HLCS: variants seen among roughly 807,000 people sequenced by gnomAD.
HLCS encodes holocarboxylase synthetase, also known as biotin--protein ligase.
HLCS carries 53 observed loss-of-function variants against 75.0 expected under a neutral mutation model. The observed-to-expected ratio is 0.71, with a 90% CI of 0.57 to 0.89. The LOEUF is 0.89. Among genes scored for constraint, HLCS ranks in the 40% least tolerant of loss-of-function variants. The pLI is 0.00. For synonymous variants in HLCS, 431 were observed against 428.6 expected, an observed-to-expected ratio of 1.01 and a Z score of -0.07; for missense variants, 966 against 1,074.0, an observed-to-expected ratio of 0.90 and a Z score of 1.41.
intron 1 of HLCS, among the ~76,000 whole-genome samples, chr21:36,988,642 C>G (rs2069273248): frequency 6.6e-6 from 1 of 152,190 alleles, no homozygotes; most frequent in South Asian, 2.1e-4. Context: ...ATGTTCCTCT[C>G]TAGGAGTTGG....
intron 6 of HLCS, among the ~76,000 whole-genome samples, chr21:36,781,047 C>G (rs976464714): frequency 4.0e-5 from 6 of 151,124 alleles, no homozygotes; most frequent in African/African-American, 4.9e-5. Flanking sequence ...CTCACGTTAC[C>G]ACCTGAGCTC....
intron 5 of HLCS, among the ~76,000 whole-genome samples, chr21:36,921,465 TCAC>T (rs1212365737): frequency 3.3e-5 from 5 of 152,120 alleles, no homozygotes; most frequent in Non-Finnish European, 4.4e-5. Flanking sequence ...AAAAGAATAT[TCAC>T]TTTCAACTTT....
chr21:36,863,334 C>T (rs767289683), intron 6 of HLCS, among the ~76,000 whole-genome samples: 20 of 151,900 alleles, frequency 1.3e-4, no homozygotes, highest in Non-Finnish European at 4.4e-5. Flanking sequence ...AACTGACCAT[C>T]GCCGATCCAC....
intron 6 of HLCS, among the ~76,000 whole-genome samples, chr21:36,825,169 G>A (rs781641053): frequency 6.6e-6 from 1 of 152,148 alleles, no homozygotes; most frequent in Non-Finnish European, 1.5e-5. Context: ...ACTGCTTGAG[G>A]CCAGGAATTT....
At position 36,826,520 on chromosome 21, in the gene HLCS, T is replaced by A. The variant is rs377550390; in HGVS notation, c.1893-59235A>T. On this transcript the variant is annotated intron_variant, in intron 6 of 10. Coordinates refer to ENST00000674895, the MANE Select transcript of HLCS (RefSeq NM_001352514.2). ...TTTTCTTGCCTTCATGCTTCCTTTT[T>A]TCCAAAAGGGTAAAAAGTAGCTGCA... 2.0e-5 allele frequency among the ~76,000 whole-genome samples: 3 copies of A among 152,210 alleles called. No individual in the cohort carries two copies. In the East Asian group the frequency reaches 5.8e-4, roughly 29 times the overall value.
intron 6 of HLCS, among the ~76,000 whole-genome samples, chr21:36,860,374 C>T (rs967662166): frequency 5.9e-5 from 9 of 151,820 alleles, no homozygotes; most frequent in Admixed American, 3.3e-4. Context: ...CAGGAAGCCA[C>T]ACCCGCCAGG....
At chr21:36,766,240 T>A (rs1018370540) in intron 7 of HLCS, among the ~76,000 whole-genome samples, 22 of 152,130 alleles carry the variant, frequency 1.4e-4, no homozygotes, top group Non-Finnish European at 2.6e-4. Flanking sequence ...TCCCAGCTGG[T>A]CTTGAACTCC....
intron 1 of HLCS, among the ~76,000 whole-genome samples, chr21:36,972,767 G>A (rs1180235189): frequency 1.3e-5 from 2 of 152,134 alleles, no homozygotes; most frequent in East Asian, 1.9e-4. Context: ...TTTGAAATGG[G>A]TACTTCTATA....
At chr21:36,852,449 G>T (rs1301237284) in intron 6 of HLCS, among the ~76,000 whole-genome samples, 1 of 152,196 alleles carries the variant, frequency 6.6e-6, no homozygotes, top group Non-Finnish European at 1.5e-5. Flanking sequence ...TCCATGCACA[G>T]GGCAGCTGGA....
intron 6 of HLCS, among the ~76,000 whole-genome samples, chr21:36,808,852 T>C (rs971894124): frequency 4.6e-5 from 7 of 152,236 alleles, no homozygotes; most frequent in Non-Finnish European, 1.0e-4. Flanking sequence ...TGATAAATTC[T>C]TTTTTCTTTT....
chr21:36,864,433 A>C (rs896970455), intron 6 of HLCS, among the ~76,000 whole-genome samples: 2 of 151,946 alleles, frequency 1.3e-5, no homozygotes, highest in Non-Finnish European at 2.9e-5. Flanking sequence ...CATTTCCTTT[A>C]GTCAAAAATT....
intron 5 of HLCS, 150 bp from the exon 6 acceptor site, chr21:36,897,281 G>A (rs940095054): frequency 6.8e-6 from 5 of 733,702 alleles, no homozygotes; most frequent in African/African-American, 3.5e-5. Flanking sequence ...ACATCTAAAC[G>A]ATTAGACAAT....
At position 36,937,219 on chromosome 21, in the gene HLCS, T is replaced by A. The variant is rs2066934013; in HGVS notation, c.667A>T (p.Arg223Trp). 2.5e-6 allele frequency: 4 copies of A among 1,614,000 alleles called. No individual in the cohort carries two copies. Among genetic ancestry groups the A allele is most frequent in the Non-Finnish European group, 2.5e-6 (3 of 1,180,012 alleles). The change falls in exon 4 of 11, where the codon AGG (arginine) becomes TGG (tryptophan). Residue 223 changes from arginine to tryptophan, a missense_variant. Coordinates refer to ENST00000674895, the MANE Select transcript of HLCS (RefSeq NM_001352514.2). ...TCACTCCCAGAGGCACTGCCTCTCC[T>A]TTGTTTGGGTTCTTCACCAAGAGCC... Reference protein sequence around the residue: ...PKALGEEPKQRRGSASGSEPA... With the variant: ...PKALGEEPKQWRGSASGSEPA...
intron 6 of HLCS, among the ~76,000 whole-genome samples, chr21:36,824,064 G>C (rs1250371752): frequency 2.6e-5 from 4 of 152,174 alleles, no homozygotes; most frequent in Non-Finnish European, 5.9e-5. Flanking sequence ...CGGATCACCT[G>C]AGGTCAGGAG....
At chr21:36,841,837 G>T (rs1448965606) in intron 6 of HLCS, among the ~76,000 whole-genome samples, 1 of 152,012 alleles carries the variant, frequency 6.6e-6, no homozygotes, top group African/African-American at 2.4e-5. Flanking sequence ...GATAACACGG[G>T]GACATCAAGT....
intron 5 of HLCS, among the ~76,000 whole-genome samples, chr21:36,924,133 C>T (rs1392082078): frequency 1.3e-5 from 2 of 152,152 alleles, no homozygotes; most frequent in African/African-American, 2.4e-5. Context: ...CCCAAAGCTT[C>T]GCCCTATCTA....
upstream of HLCS, among the ~76,000 whole-genome samples, chr21:36,967,851 C>A (rs2068671124): frequency 2.0e-5 from 3 of 151,808 alleles, no homozygotes; most frequent in South Asian, 6.2e-4. Flanking sequence ...TCCCGAGTAG[C>A]TGGGATTACA....
chr21:36,940,271 C>A (rs2067083464), intron 2 of HLCS, among the ~76,000 whole-genome samples: 1 of 152,134 alleles, frequency 6.6e-6, no homozygotes, highest in African/African-American at 2.4e-5. Context: ...CCTAAAGATA[C>A]CTTCTCAGGG....
chr21:36,846,106 T>C (rs1454817882), intron 6 of HLCS, among the ~76,000 whole-genome samples: 1 of 152,192 alleles, frequency 6.6e-6, no homozygotes, highest in Non-Finnish European at 1.5e-5. Flanking sequence ...CAGTAGGTAC[T>C]CCATAAATGT....
Sources: allele counts gnomAD v4.1 joint callset (sites outside exome capture counted in the v4.1 genomes callset), GRCh38; gene constraint gnomAD v4.1.1; transcripts MANE v1.5; gene names NCBI Gene and HGNC (gene_info 2026-07-23, HGNC 2026-07-21).